Variants in SMN2 observed in about 807,000 individuals in gnomAD.
SMN2 encodes survival motor neuron protein.
A neutral mutation model predicts 2.8 loss-of-function variants in SMN2; 1 was observed. The observed-to-expected ratio is 0.35, with a 90% CI of 0.13 to 1.68. SMN2 has a LOEUF of 1.68. SMN2 is among the 40% of genes most tolerant of loss of function. The pLI, the probability that SMN2 is intolerant of heterozygous loss-of-function variation, is 0.35. For synonymous variants in SMN2, 5 were observed against 5.0 expected (o/e 0.99, Z 0.01); for missense variants, 12 against 16.9 (o/e 0.71, Z 0.51).
chr5:70,080,347 A>C (rs1774838825), downstream of SMN2, among the ~76,000 whole-genome samples: 1 of 126,568 alleles, frequency 7.9e-6, no homozygotes, highest in East Asian at 2.3e-4. Context: ...AAAGTAATTA[A>C]GTTCTGTCAT....
chr5:70,079,288 C>G (rs1231149521), downstream of SMN2, among the ~76,000 whole-genome samples: 1 of 145,358 alleles, frequency 6.9e-6, no homozygotes, highest in Non-Finnish European at 1.5e-5. Context: ...CAAAAATTAG[C>G]CCGGCATGGT....
At position 70,074,904 on chromosome 5, in the gene SMN2, A is replaced by G. The variant is rs212224; in HGVS notation, c.835-1617A>G. Reference sequence around the variant, plus strand: ...CTACTTGGGAGGCTGAGGCAGGAGAATTGCTTGAACCGAGAAGGCGGAGGT... The same window carrying G: ...CTACTTGGGAGGCTGAGGCAGGAGAGTTGCTTGAACCGAGAAGGCGGAGGT... On this transcript the variant is annotated intron_variant, in intron 7 of 8. Transcript: ENST00000380743. 3.6e-3 allele frequency among the ~76,000 whole-genome samples: 426 copies of G among 117,046 alleles called. 17 individuals carry two copies. Among genetic ancestry groups the G allele is most frequent in the African/African-American group, 4.6e-3 (132 of 28,574 alleles). 76.8% of individuals were successfully genotyped at this position (117,046 alleles called of 152,430 possible). A position where few individuals can be genotyped will look rare whatever the true frequency, so the allele number is the denominator to read the frequency against.
intron 7 of SMN2, among the ~76,000 whole-genome samples, chr5:70,075,086 T>A (rs1420495870): frequency 8.4e-6 from 1 of 119,058 alleles, no homozygotes; most frequent in Non-Finnish European, 1.7e-5. Flanking sequence ...TGGGGTGCAA[T>A]GGTGCAATCT....
chr5:70,084,359 G>T, the SMN2 span, among the ~76,000 whole-genome samples: 1 of 103,174 alleles, frequency 9.7e-6, no homozygotes, highest in African/African-American at 4.8e-5. Context: ...GCTAATTTTT[G>T]TATTTTTTTA....
At chr5:70,083,686 G>A in the SMN2 span, among the ~76,000 whole-genome samples, 3 of 132,594 alleles carry the variant, frequency 2.3e-5, no homozygotes, top group African/African-American at 1.0e-4. Context: ...ATCATTCTCA[G>A]TAAACTATCG....
chr5:70,052,978 G>C (rs1774498580), intron 1 of SMN2, among the ~76,000 whole-genome samples: 3 of 87,616 alleles, frequency 3.4e-5, no homozygotes, highest in African/African-American at 1.2e-4. Flanking sequence ...GGAGTAAGTT[G>C]CAGAGCCTAG....
chr5:70,079,222 C>T (rs1427300758), downstream of SMN2, among the ~76,000 whole-genome samples: 3 of 139,516 alleles, frequency 2.2e-5, no homozygotes, highest in Non-Finnish European at 4.6e-5. Context: ...CACCTGAGAT[C>T]AGGAGTTCCA....
At chr5:70,075,975 T>C (rs1317189699) in intron 7 of SMN2, among the ~76,000 whole-genome samples, 1 of 126,252 alleles carries the variant, frequency 7.9e-6, no homozygotes, top group Non-Finnish European at 1.6e-5. Context: ...TGCCTCAACC[T>C]CCCAAGTAGC....
At chr5:70,084,570 T>G in the SMN2 span, among the ~76,000 whole-genome samples, 1 of 137,334 alleles carries the variant, frequency 7.3e-6, no homozygotes, top group Non-Finnish European at 1.5e-5. Context: ...CATGGAGAGT[T>G]TGTTTCCTGC....
intron 8 of SMN2, chr5:70,076,778 A>T (rs1774768907): frequency 7.5e-7 from 1 of 1,329,586 alleles, no homozygotes; most frequent in Admixed American, 2.9e-5. Context: ...CTCATACTTA[A>T]CTGGTTGGTT....
chr5:70,079,567 G>C (rs1205608831), downstream of SMN2, among the ~76,000 whole-genome samples: 1 of 140,522 alleles, frequency 7.1e-6, no homozygotes, highest in African/African-American at 2.9e-5. Context: ...ACCAGCATAA[G>C]CAACAACGCA....
downstream of SMN2, among the ~76,000 whole-genome samples, chr5:70,083,359 G>A (rs1236841361): frequency 7.3e-6 from 1 of 136,254 alleles, no homozygotes; most frequent in Non-Finnish European, 1.5e-5. Flanking sequence ...GGAGAGTTCT[G>A]TAAACTGCTT....
chr5:70,085,096 C>T, the SMN2 span, among the ~76,000 whole-genome samples: 1 of 132,458 alleles, frequency 7.5e-6, no homozygotes, highest in Non-Finnish European at 1.6e-5. Context: ...GATTCCCAAG[C>T]ATTGTGCTGA....
At chr5:70,074,919 A>G (rs1439706151) in intron 7 of SMN2, among the ~76,000 whole-genome samples, 138 of 108,392 alleles carry the variant, frequency 1.3e-3, no homozygotes, top group Middle Eastern at 6.4e-3. Context: ...TTGAACCGAG[A>G]AGGCGGAGGT....
At chr5:70,079,574 C>T (rs1249846948), downstream of SMN2, among the ~76,000 whole-genome samples, 14 of 139,642 alleles carry the variant, frequency 1.0e-4, 1 homozygote, top group Non-Finnish European at 1.2e-4. Context: ...TAAGCAACAA[C>T]GCAAAACCCC....
At chr5:70,075,684 A>G (rs1205378187) in intron 7 of SMN2, among the ~76,000 whole-genome samples, 2 of 119,868 alleles carry the variant, frequency 1.7e-5, no homozygotes, top group Non-Finnish European at 3.5e-5. Context: ...TTTAAATTTT[A>G]TTTTTTAGAG....
In SMN2 at chr5:70,076,513, C is replaced by G. The variant is rs1561418731; in HGVS notation, c.835-8C>G. On this transcript the variant is annotated splice_region_variant and splice_polypyrimidine_tract_variant and intron_variant, in intron 7 of 8. Transcript: ENST00000380743. ...TATTTTTTTTAACTTCCTTTATTTTCCTTACAGGGTTTTAGACAAAATCAA... is the reference window on the plus strand; with the variant it reads ...TATTTTTTTTAACTTCCTTTATTTTGCTTACAGGGTTTTAGACAAAATCAA... 4 of 1,453,356 alleles carry G rather than the reference C, an allele frequency of 2.8e-6. 1 individual carries two copies. Among genetic ancestry groups the G allele is most frequent in the Admixed American group, 3.8e-5 (2 of 52,960 alleles). The allele number at this position is 1,453,356 out of a possible 1,614,324, so 90.0% of individuals were successfully genotyped here.
intron 7 of SMN2, among the ~76,000 whole-genome samples, chr5:70,071,721 G>A (rs1169573824): frequency 6.6e-6 from 1 of 152,046 alleles, no homozygotes; most frequent in Non-Finnish European, 1.5e-5. Context: ...TTTCACCGTG[G>A]TCTCGATCTC....
chr5:70,076,704 A>G lies in SMN2; in HGVS notation c.*3+130A>G. The G allele has an allele frequency of 1.6e-5, 21 of 1,290,128 alleles. 5 individuals are homozygous for G. Among genetic ancestry groups the G allele is most frequent in the Non-Finnish European group, 2.2e-5 (21 of 965,930 alleles). The allele number at this position is 1,290,128 out of a possible 1,614,324, so 79.9% of individuals were successfully genotyped here. On this transcript the variant is annotated intron_variant, in intron 8 of 8. Coordinates refer to ENST00000380743, the MANE Select transcript of SMN2 (RefSeq NM_017411.4). ...TTGAAAGGTTAATGTAAAACAATCA[A>G]TATTAAAGAATTTTGATGCCAAAAC...
Sources: allele counts gnomAD v4.1 joint callset (sites outside exome capture counted in the v4.1 genomes callset), GRCh38; gene constraint gnomAD v4.1.1; transcripts MANE v1.5; gene names NCBI Gene and HGNC (gene_info 2026-07-23, HGNC 2026-07-21).